Variants in ATP6V1A observed in about 807,000 individuals in gnomAD.
The protein encoded by ATP6V1A is V-type proton ATPase catalytic subunit A.
Under a neutral mutation model 70.1 loss-of-function variants are expected in ATP6V1A, and 18 were observed. The ratio of observed to expected loss-of-function variants is 0.26; its 90% CI spans 0.18 to 0.38. The LOEUF is 0.38. ATP6V1A is among the 10% of genes least tolerant of loss of function. The pLI, the probability that ATP6V1A is intolerant of heterozygous loss-of-function variation, is 1.00. For synonymous variants in ATP6V1A, 232 were observed against 253.8 expected, an observed-to-expected ratio of 0.91 and a Z score of 0.82; for missense variants, 424 against 772.4, an observed-to-expected ratio of 0.55 and a Z score of 5.35.
chr3:113,752,494 C>T (rs1178809381), intron 1 of ATP6V1A, among the ~76,000 whole-genome samples: 2 of 151,910 alleles, frequency 1.3e-5, no homozygotes, highest in Admixed American at 6.6e-5. Context: ...TGTCAGTAGG[C>T]ATTGCAAAAT....
intron 1 of ATP6V1A, among the ~76,000 whole-genome samples, chr3:113,766,165 G>A (rs1380413130): frequency 6.6e-6 from 1 of 152,158 alleles, no homozygotes; most frequent in Non-Finnish European, 1.5e-5. Context: ...AGTGTGGGAA[G>A]TCCGAGGTCA....
At chr3:113,755,493 C>T (rs961108715) in intron 1 of ATP6V1A, among the ~76,000 whole-genome samples, 51 of 151,236 alleles carry the variant, frequency 3.4e-4, no homozygotes, top group African/African-American at 1.1e-3. Context: ...TCCCGCTATT[C>T]GGGAGGCTGA....
At chr3:113,761,087 ATTTTC>A (rs1369040648) in intron 1 of ATP6V1A, among the ~76,000 whole-genome samples, 2 of 126,948 alleles carry the variant, frequency 1.6e-5, no homozygotes, top group East Asian at 2.4e-4. Context: ...AAATAGACAT[ATTTTC>A]TTTTCTTTTC....
intron 2 of ATP6V1A, among the ~76,000 whole-genome samples, chr3:113,779,944 T>A (rs1708960418): frequency 6.6e-6 from 1 of 152,200 alleles, no homozygotes; most frequent in Admixed American, 6.5e-5. Flanking sequence ...CATGGTGGCT[T>A]GCTGCACCTA....
At chr3:113,805,587 T>C in intron 14 of ATP6V1A, 62 bp downstream of exon 14, 1 of 1,491,180 alleles carries the variant, frequency 6.7e-7, no homozygotes, top group South Asian at 1.2e-5. Flanking sequence ...TCTTTTTTTT[T>C]TAGACAGAGT....
chr3:113,805,420 T>G lies in ATP6V1A; in HGVS notation c.1656T>G (p.Arg552=), dbSNP rs761714925. The part of the protein sequence containing the change: ...SNMIAFYDMA[R]RAVETTAQSD... Reference sequence around the variant, plus strand: ...TGATTGCATTTTATGATATGGCTCGTAGAGCTGTTGAAACCACTGCCCAGA... The same window carrying G: ...TGATTGCATTTTATGATATGGCTCGGAGAGCTGTTGAAACCACTGCCCAGA... Residue 552 remains arginine, a synonymous_variant, in exon 14 of 15, where the codon CGT becomes CGG. Transcript: ENST00000273398. 6.2e-7 allele frequency: 1 copy of G among 1,606,422 alleles called. No individual in the cohort carries two copies.
intron 1 of ATP6V1A, among the ~76,000 whole-genome samples, chr3:113,771,362 C>A (rs1367006680): frequency 1.3e-5 from 2 of 151,642 alleles, no homozygotes; most frequent in African/African-American, 2.4e-5. Flanking sequence ...ATCAGGTCAC[C>A]ATAGTATGTC....
intron 1 of ATP6V1A, among the ~76,000 whole-genome samples, chr3:113,775,972 C>A (rs372685013): frequency 1.3e-5 from 2 of 152,262 alleles, no homozygotes; most frequent in African/African-American, 4.8e-5. Flanking sequence ...GTTTCTAGAA[C>A]GTCTTGTTCT....
At chr3:113,764,297 T>G (rs937140668) in intron 1 of ATP6V1A, among the ~76,000 whole-genome samples, 1 of 152,150 alleles carries the variant, frequency 6.6e-6, no homozygotes, top group Non-Finnish European at 1.5e-5. Context: ...GGAAGCAGTC[T>G]TGGTACGCAG....
intron 1 of ATP6V1A, among the ~76,000 whole-genome samples, chr3:113,761,736 CA>C (rs11407106): frequency 3.7e-4 from 46 of 125,010 alleles, no homozygotes; most frequent in Admixed American, 6.4e-4. Flanking sequence ...AACTCTGTCT[CA>C]AAAAAAAAAA....
chr3:113,773,243 T>C (rs1428949487), intron 1 of ATP6V1A, among the ~76,000 whole-genome samples: 1 of 152,108 alleles, frequency 6.6e-6, no homozygotes, highest in East Asian at 1.9e-4. Flanking sequence ...TGGCCAATAT[T>C]GGCTTTTTAA....
chr3:113,751,775 G>A (rs993763038), intron 1 of ATP6V1A, among the ~76,000 whole-genome samples: 2 of 151,484 alleles, frequency 1.3e-5, no homozygotes, highest in African/African-American at 4.8e-5. Context: ...AAGTGGTTGT[G>A]TATCTTCGTA....
Position 113,783,985 on chromosome 3 carries a change from C to T in ATP6V1A, c.212-239C>T, listed in dbSNP as rs543976789. Among the ~76,000 whole-genome samples the T allele has an allele frequency of 1.2e-3, 183 of 152,194 alleles. 1 individual carries two copies. Among genetic ancestry groups the T allele is most frequent in the African/African-American group, 4.2e-3 (176 of 41,500 alleles). On this transcript the variant is annotated intron_variant, in intron 3 of 14. Transcript: ENST00000273398. ...TCAAATTGCTACTCAGTTGTTAGGA[C>T]GTATATACATATTAGGTTGTTTAGA...
chr3:113,775,669 A>G (rs1708902864), intron 1 of ATP6V1A, among the ~76,000 whole-genome samples: 1 of 152,226 alleles, frequency 6.6e-6, no homozygotes, highest in Admixed American at 6.5e-5. Context: ...TGGTAGGACC[A>G]GGATGTGATC....
chr3:113,767,844 G>A (rs181930668), intron 1 of ATP6V1A, among the ~76,000 whole-genome samples: 24 of 152,142 alleles, frequency 1.6e-4, no homozygotes, highest in Middle Eastern at 6.8e-3. Context: ...GTAGAGAGAG[G>A]GTTTCACCAT....
chr3:113,747,813 A>G (rs1708540492), intron 1 of ATP6V1A, among the ~76,000 whole-genome samples: 1 of 152,208 alleles, frequency 6.6e-6, no homozygotes, highest in South Asian at 2.1e-4. Context: ...CGATTGAATG[A>G]GGAGGCGTTG....
chr3:113,763,410 G>A (rs764903700), intron 1 of ATP6V1A, among the ~76,000 whole-genome samples: 16 of 152,190 alleles, frequency 1.1e-4, no homozygotes, highest in Non-Finnish European at 2.2e-4. Context: ...TTATAGAGTA[G>A]CTCTCTAATG....
At chr3:113,749,517 A>G (rs1708561643) in intron 1 of ATP6V1A, among the ~76,000 whole-genome samples, 1 of 152,124 alleles carries the variant, frequency 6.6e-6, no homozygotes, top group African/African-American at 2.4e-5. Context: ...GCCACCACTA[A>G]GAATGCTTTC....
chr3:113,774,805 C>A (rs1390779418), intron 1 of ATP6V1A, among the ~76,000 whole-genome samples: 3 of 150,090 alleles, frequency 2.0e-5, no homozygotes, highest in African/African-American at 7.4e-5. Flanking sequence ...AGAGTGAGAC[C>A]CTGTCTCAAA....
Sources: gnomAD v4.1 joint callset for allele counts (sites outside exome capture counted in the v4.1 genomes callset) on GRCh38, gnomAD v4.1.1 for gene constraint, MANE v1.5 for transcripts, NCBI Gene and HGNC (gene_info 2026-07-23, HGNC 2026-07-21) for gene names.